Variants in CYTH1 observed in about 807,000 individuals in gnomAD.
The protein encoded by CYTH1 is cytohesin 1.
CYTH1 carries 18 observed loss-of-function variants against 61.8 expected under a neutral mutation model. The ratio of observed to expected loss-of-function variants is 0.29; its 90% CI spans 0.20 to 0.43. The LOEUF (loss-of-function observed/expected upper bound fraction) is 0.43. Ranked by LOEUF, CYTH1 falls within the 20% of genes least tolerant of loss-of-function variation. The pLI is 1.00. For synonymous variants in CYTH1, 174 were observed against 184.3 expected (o/e 0.94, Z 0.45); for missense variants, 336 against 510.5 (o/e 0.66, Z 3.29).
At chr17:78,724,285 C>T (rs958771065) in intron 1 of CYTH1, among the ~76,000 whole-genome samples, 1 of 152,190 alleles carries the variant, frequency 6.6e-6, no homozygotes, top group Non-Finnish European at 1.5e-5. Flanking sequence ...CTCCAGAGAC[C>T]CAGGCCCCTA....
chr17:78,719,897 A>G (rs2093213627), intron 1 of CYTH1, among the ~76,000 whole-genome samples: 1 of 152,226 alleles, frequency 6.6e-6, no homozygotes, highest in Admixed American at 6.5e-5. Flanking sequence ...CTGAGTCAGA[A>G]ACACAGTAAT....
At chr17:78,768,408 A>G (rs1212431915) in intron 1 of CYTH1, among the ~76,000 whole-genome samples, 1 of 152,194 alleles carries the variant, frequency 6.6e-6, no homozygotes, top group Non-Finnish European at 1.5e-5. Context: ...TCAACTATTT[A>G]AATGGGTCTC....
chr17:78,782,254 C>G lies in CYTH1; in HGVS notation c.-31G>C, dbSNP rs1437733556. 1.5e-5 allele frequency: 19 copies of G among 1,264,952 alleles called. No individual in the cohort carries two copies. The Admixed American group carries it at 5.6e-4, about 37-fold the overall frequency. 78.4% of individuals were successfully genotyped at this position (1,264,952 alleles called of 1,614,324 possible). On this transcript the variant is annotated 5_prime_UTR_variant, in exon 1 of 14. Transcript: ENST00000446868. ...GGGAGCCGGGCTCCGCGCTCCGGCT[C>G]GCCGCTCGCGTCCCGCCGCGCCACC...
intron 1 of CYTH1, among the ~76,000 whole-genome samples, chr17:78,756,679 A>G (rs2093402538): frequency 6.6e-6 from 1 of 152,202 alleles, no homozygotes. Flanking sequence ...CATCTTCAAA[A>G]GTCTTTAACA....
chr17:78,677,277 G>C (rs1402474521), intron 13 of CYTH1: 1 of 362,014 alleles, frequency 2.8e-6, no homozygotes, highest in Non-Finnish European at 5.5e-6. Context: ...CAACCCTTTC[G>C]GGTAAGCTGG....
intron 1 of CYTH1, among the ~76,000 whole-genome samples, chr17:78,777,215 C>A (rs980032500): frequency 3.3e-5 from 5 of 151,210 alleles, no homozygotes; most frequent in Non-Finnish European, 5.9e-5. Flanking sequence ...GTCAGGAGAT[C>A]GAGACCATCC....
chr17:78,711,706 C>CT (rs78639438), intron 1 of CYTH1, among the ~76,000 whole-genome samples: 1,716 of 141,336 alleles, frequency 0.012, 26 homozygotes, highest in African/African-American at 0.039. Context: ...CCGACTTTTC[C>CT]TTTTTTTTTT....
chr17:78,772,070 T>G (rs1237778559), intron 1 of CYTH1, among the ~76,000 whole-genome samples: 1 of 152,202 alleles, frequency 6.6e-6, no homozygotes, highest in Non-Finnish European at 1.5e-5. Context: ...TGATTGCAAC[T>G]GAAACTAAAT....
rs202012697 is a variant in CYTH1, at chr17:78,698,309, A to G, written c.771T>C (p.Thr257=). 5.0e-5 allele frequency: 81 copies of G among 1,613,372 alleles called. No homozygotes were observed. Among genetic ancestry groups the G allele is most frequent in the South Asian group, 4.5e-4 (41 of 90,866 alleles). ...AGCCTTCTCGGTCTGGATTGAAGAA[A>G]GTGTGAGTGAGGTCATTCCCGTCGT... ...PEDDGNDLTH[T]FFNPDREGWL... is the part of the protein sequence containing the mutation. The change falls in exon 9 of 14, where the codon ACT becomes ACC. Residue 257 remains threonine, a synonymous_variant. Transcript: ENST00000446868.
Position 78,681,047 on chromosome 17 carries a change from A to C in CYTH1, c.892-5T>G. Reference sequence around the variant, plus strand: ...GATTCCACGGGGCTCCTTATCCTACAGAACAGTTGAAGAGAGGAAGTTTAA... The same window carrying C: ...GATTCCACGGGGCTCCTTATCCTACCGAACAGTTGAAGAGAGGAAGTTTAA... On this transcript the variant is annotated splice_region_variant and splice_polypyrimidine_tract_variant and intron_variant, in intron 11 of 13. Transcript: ENST00000446868. The C allele has an allele frequency of 8.1e-6, 13 of 1,613,638 alleles. No homozygotes were observed. The highest frequency in any genetic ancestry group is 1.1e-5 in the Non-Finnish European group (13 of 1,179,884).
intron 11 of CYTH1, among the ~76,000 whole-genome samples, chr17:78,684,795 A>T (rs1417952712): frequency 6.6e-6 from 1 of 152,168 alleles, no homozygotes; most frequent in East Asian, 1.9e-4. Flanking sequence ...TAACAGGGGG[A>T]AAAAAGGAAG....
intron 1 of CYTH1, among the ~76,000 whole-genome samples, chr17:78,731,755 C>CAAAAAAAAAAA (rs376349109): frequency 3.3e-4 from 24 of 73,388 alleles, no homozygotes; most frequent in East Asian, 4.7e-4. Flanking sequence ...GACTCCGTCT[C>CAAAAAAAAAAA]AAAAAAAAAA....
intron 1 of CYTH1, among the ~76,000 whole-genome samples, chr17:78,722,244 C>CT (rs2093234996): frequency 6.6e-6 from 1 of 152,320 alleles, no homozygotes; most frequent in South Asian, 2.1e-4. Context: ...AGAACCTTAA[C>CT]TTTTTCTAAA....
chr17:78,726,927 C>T (rs1366960739), intron 1 of CYTH1, among the ~76,000 whole-genome samples: 1 of 152,242 alleles, frequency 6.6e-6, no homozygotes, highest in Non-Finnish European at 1.5e-5. Flanking sequence ...CCTTCAACTA[C>T]CATCCTTATC....
intron 1 of CYTH1, among the ~76,000 whole-genome samples, chr17:78,751,397 G>A (rs567771315): frequency 5.3e-5 from 8 of 151,542 alleles, no homozygotes; most frequent in South Asian, 4.1e-4. Flanking sequence ...CTTGTACTTA[G>A]GAACAATAGA....
intron 1 of CYTH1, among the ~76,000 whole-genome samples, chr17:78,774,708 G>A (rs553596189): frequency 1.3e-5 from 2 of 152,148 alleles, no homozygotes; most frequent in Admixed American, 6.5e-5. Context: ...TATTTTTCTT[G>A]TTGAATCTTC....
chr17:78,709,020 G>A (rs751522742), intron 2 of CYTH1: 2 of 152,280 alleles, frequency 1.3e-5, no homozygotes, highest in African/African-American at 4.8e-5. Context: ...TGCTGTCTTA[G>A]GGCGAAAATA....
Position 78,687,573 on chromosome 17 carries a change from C to T in CYTH1, c.891+4844G>A, listed in dbSNP as rs116476664. ...AGGTTCTTTTGTGGTTGGGAAGTAT[C>T]GCTCAAGCTCTTCTGAAAGCTGAGG... On this transcript the variant is annotated intron_variant, in intron 11 of 13. Transcript: ENST00000446868. 7.7e-3 allele frequency among the ~76,000 whole-genome samples: 1,174 copies of T among 152,248 alleles called. 16 individuals are homozygous for T. The highest frequency in any genetic ancestry group is 0.027 in the African/African-American group (1,108 of 41,572).
chr17:78,724,970 C>G (rs939595880), intron 1 of CYTH1, among the ~76,000 whole-genome samples: 1 of 152,160 alleles, frequency 6.6e-6, no homozygotes, highest in African/African-American at 2.4e-5. Flanking sequence ...CATACTAAGT[C>G]CATGAAAAAC....
Sources: allele counts gnomAD v4.1 joint callset (sites outside exome capture counted in the v4.1 genomes callset), GRCh38; gene constraint gnomAD v4.1.1; transcripts MANE v1.5; gene names NCBI Gene and HGNC (gene_info 2026-07-23, HGNC 2026-07-21).